UNC79: variants seen among roughly 807,000 people sequenced by gnomAD.
The protein encoded by UNC79 is unc-79 subunit of NALCN channel complex.
UNC79 carries 37 observed loss-of-function variants against 283.1 expected under a neutral mutation model. That is an observed-to-expected ratio of 0.13 (90% CI 0.10 to 0.17). The LOEUF (loss-of-function observed/expected upper bound fraction) is 0.17, where lower values mean the gene tolerates loss of function less well. UNC79 is among the 10% of genes least tolerant of loss of function. The probability of loss-of-function intolerance (pLI) is 1.00; values close to 1 mark genes in which losing one functional copy is unlikely to be tolerated. For missense variants in UNC79, 2,272 were observed against 3,211.1 expected (o/e 0.71, Z 7.07); for synonymous variants, 1,107 against 1,200.2 (o/e 0.92, Z 1.61).
chr14:93,390,582 A>C (rs558526841), intron 1 of UNC79, among the ~76,000 whole-genome samples: 32 of 152,288 alleles, frequency 2.1e-4, no homozygotes, highest in Non-Finnish European at 3.2e-4. Flanking sequence ...GAAGGTATAG[A>C]TATATTATTA....
At chr14:93,472,808 C>G (rs2057588706) in intron 2 of UNC79, among the ~76,000 whole-genome samples, 1 of 152,066 alleles carries the variant, frequency 6.6e-6, no homozygotes, top group African/African-American at 2.4e-5. Flanking sequence ...AACTGTAAAA[C>G]AAGGTTATTT....
intron 2 of UNC79, among the ~76,000 whole-genome samples, chr14:93,468,254 A>G (rs952142569): frequency 1.5e-4 from 23 of 152,212 alleles, no homozygotes; most frequent in African/African-American, 5.3e-4. Flanking sequence ...CATGTTCAAC[A>G]TGCTTTGCCT....
At chr14:93,638,652 G>A (rs1000291052) in intron 32 of UNC79, among the ~76,000 whole-genome samples, 5 of 152,188 alleles carry the variant, frequency 3.3e-5, no homozygotes, top group East Asian at 3.8e-4. Flanking sequence ...ATTTCTGAGA[G>A]CCCTCTGTTT....
At position 93,531,712 on chromosome 14, in the gene UNC79, C is replaced by T. The variant is rs17129094; in HGVS notation, c.1094-838C>T. On this transcript the variant is annotated intron_variant, in intron 10 of 48. Transcript: ENST00000555664. The surrounding 1 kb of genome is among the most constrained non-coding windows in gnomAD (Gnocchi z 4.2). ...TACAGTTTTGATATTGCAAATAATC[C>T]GATGGTGATGCTGTAAATATATCAC... is the stretch of plus-strand genomic sequence containing the variant. Among the ~76,000 whole-genome samples, 1,956 of 152,140 alleles carry T rather than the reference C, an allele frequency of 0.013. 31 individuals are homozygous for T. Among genetic ancestry groups the T allele is most frequent in the African/African-American group, 0.034 (1,408 of 41,516 alleles).
intron 1 of UNC79, among the ~76,000 whole-genome samples, chr14:93,432,338 T>C (rs896006362): frequency 1.3e-5 from 2 of 152,238 alleles, no homozygotes; most frequent in Admixed American, 6.5e-5. Context: ...CCGGAAGATC[T>C]GAGTTTCAAT....
chr14:93,662,778 A>C (rs1172388107), intron 40 of UNC79, 64 bp downstream of exon 43: 2 of 1,298,382 alleles, frequency 1.5e-6, no homozygotes, highest in Non-Finnish European at 2.2e-6. Flanking sequence ...TATTCTTTTG[A>C]ATCAGTGTCA....
chr14:93,423,062 C>CAAAAAAAAAAAAAAAAAAAAAAAAAA (rs71129634), intron 1 of UNC79, among the ~76,000 whole-genome samples: 1 of 77,304 alleles, frequency 1.3e-5, no homozygotes, highest in African/African-American at 5.5e-5. Context: ...GACTCTGTCT[C>CAAAAAAAAAAAAAAAAAAAAAAAAAA]AAAAAAAAAA....
At chr14:93,615,805 T>A (rs1266268393) in intron 27 of UNC79, among the ~76,000 whole-genome samples, 1 of 150,042 alleles carries the variant, frequency 6.7e-6, no homozygotes, top group African/African-American at 2.5e-5. Flanking sequence ...AAAATTAAAT[T>A]TTTATATGGG....
intron 40 of UNC79, among the ~76,000 whole-genome samples, chr14:93,671,262 A>T (rs1326375025): frequency 1.3e-5 from 2 of 152,228 alleles, no homozygotes; most frequent in Non-Finnish European, 2.9e-5. Flanking sequence ...GGAGACAAAC[A>T]TATGTAGTTA....
chr14:93,588,536 C>T (rs966649995), intron 22 of UNC79, among the ~76,000 whole-genome samples: 9 of 151,800 alleles, frequency 5.9e-5, no homozygotes, highest in Non-Finnish European at 4.4e-5. Flanking sequence ...GTCAGGAGAT[C>T]GAGACCATCC....
chr14:93,631,766 T>C (rs2068054539), intron 31 of UNC79, among the ~76,000 whole-genome samples: 1 of 152,266 alleles, frequency 6.6e-6, no homozygotes, highest in Admixed American at 6.5e-5. Flanking sequence ...ATCATCTTCA[T>C]TGTTCATTCA....
At chr14:93,616,772 C>A (rs1479938295) in intron 27 of UNC79, among the ~76,000 whole-genome samples, 4 of 152,018 alleles carry the variant, frequency 2.6e-5, no homozygotes, top group Non-Finnish European at 5.9e-5. Context: ...TATTGCCGGT[C>A]GTCTAGGAAT....
intron 35 of UNC79, among the ~76,000 whole-genome samples, chr14:93,653,025 A>G (rs955055542): frequency 2.6e-5 from 4 of 152,164 alleles, no homozygotes; most frequent in Non-Finnish European, 1.5e-5. Context: ...TGAGGTAATA[A>G]TTGGCATAAT....
chr14:93,668,537 T>C (rs2072465518), intron 40 of UNC79, among the ~76,000 whole-genome samples: 1 of 148,612 alleles, frequency 6.7e-6, no homozygotes, highest in Non-Finnish European at 1.5e-5. Flanking sequence ...AAGGCGAGAC[T>C]CCATCTCTAT....
chr14:93,532,438 C>G (rs973786741), intron 10 of UNC79, 112 bp from the exon 11 acceptor site: 3 of 1,305,414 alleles, frequency 2.3e-6, no homozygotes, highest in Non-Finnish European at 3.1e-6. Context: ...CCATTGCACT[C>G]CAGCCTGATT....
In UNC79 at chr14:93,688,904, G is replaced by A. The variant is rs528329704; in HGVS notation, c.7085+64G>A. On this transcript the variant is annotated intron_variant, in intron 44 of 48. Transcript: ENST00000555664. The surrounding 1 kb of genome is among the most constrained non-coding windows in gnomAD (Gnocchi z 4.0). ...GCAGGAGACACCCCTGAGTTTCCTC[G>A]GGCTCAGCTAGAGTTAAGGAGTACA... The A allele has an allele frequency of 9.0e-6, 14 of 1,554,134 alleles. No individual in the cohort carries two copies. Among genetic ancestry groups the A allele is most frequent in the African/African-American group, 4.1e-5 (3 of 73,260 alleles).
At chr14:93,535,444 C>T (rs1357812829) in intron 11 of UNC79, among the ~76,000 whole-genome samples, 1 of 152,118 alleles carries the variant, frequency 6.6e-6, no homozygotes, top group Non-Finnish European at 1.5e-5. Flanking sequence ...TCCAGATACT[C>T]CATAAGAAAT....
At chr14:93,707,042 G>C, downstream of UNC79, 1 of 996,834 alleles carries the variant, frequency 1.0e-6, no homozygotes, top group Non-Finnish European at 1.4e-6. Flanking sequence ...ATGTGCAAAG[G>C]CCAGAGAGGG....
chr14:93,617,307 G>A lies in UNC79; in HGVS notation c.4224+3G>A, dbSNP rs1158489075. On this transcript the variant is annotated splice_donor_region_variant and intron_variant, in intron 28 of 48. Coordinates refer to ENST00000555664, the Ensembl canonical transcript of UNC79. This position sits in a 1 kb window ranked among gnomAD's most constrained non-coding sequence, Gnocchi z 4.5. ...CCTTGCTTGTCATCCTTTACAAGGT[G>A]AGCTGGGTGGTCACTGCTGTTTTGG... 1.9e-6 allele frequency: 3 copies of A among 1,613,762 alleles called. No individual in the cohort carries two copies. The highest frequency in any genetic ancestry group is 2.7e-5 in the African/African-American group (2 of 75,028).
Sources: gnomAD v4.1 joint callset for allele counts (sites outside exome capture counted in the v4.1 genomes callset) on GRCh38, gnomAD v4.1.1 for gene constraint, Gnocchi (gnomAD v3.1) non-coding constraint, MANE v1.5 for transcripts, NCBI Gene and HGNC (gene_info 2026-07-23, HGNC 2026-07-21) for gene names.